Variants in TRAP1 observed in about 807,000 individuals in gnomAD.
The protein encoded by TRAP1 is heat shock protein 75 kDa, mitochondrial.
In TRAP1, 102 loss-of-function variants were observed where a neutral mutation model predicts 89.1. The ratio of observed to expected loss-of-function variants is 1.15; its 90% CI spans 0.98 to 1.35. TRAP1 has a LOEUF of 1.35. TRAP1 is among the 40% of genes most tolerant of loss of function. The probability of loss-of-function intolerance (pLI) is 0.00; values close to 1 mark genes in which losing one functional copy is unlikely to be tolerated. For synonymous variants in TRAP1, 508 were observed against 388.0 expected (o/e 1.31, Z -3.64); for missense variants, 1,256 against 945.3 (o/e 1.33, Z -4.31).
intron 7 of TRAP1, 146 bp downstream of exon 7, chr16:3,675,890 C>T (rs1124486): frequency 0.054 from 37,792 of 698,114 alleles, 1,160 homozygotes; most frequent in Admixed American, 0.058. Context: ...GGCAGCCCCC[C>T]TCCCAGTCCC....
chr16:3,708,575 T>G (rs2051482806), intron 1 of TRAP1, among the ~76,000 whole-genome samples: 1 of 152,046 alleles, frequency 6.6e-6, no homozygotes, highest in Non-Finnish European at 1.5e-5. Flanking sequence ...AGACGGAGGT[T>G]GCAGTGAGCC....
chr16:3,693,959 C>T (rs2051251693), intron 1 of TRAP1, among the ~76,000 whole-genome samples: 1 of 150,846 alleles, frequency 6.6e-6, no homozygotes, highest in Admixed American at 6.6e-5. Context: ...CACTACCGCA[C>T]TTCTGCACTT....
chr16:3,706,958 C>T (rs982487461), intron 1 of TRAP1, among the ~76,000 whole-genome samples: 4 of 152,090 alleles, frequency 2.6e-5, no homozygotes, highest in African/African-American at 9.7e-5. Context: ...TGTTTTCCTG[C>T]AGAGGTCGCA....
chr16:3,713,308 A>T (rs1348811920), intron 1 of TRAP1, among the ~76,000 whole-genome samples: 3 of 152,162 alleles, frequency 2.0e-5, no homozygotes, highest in Non-Finnish European at 4.4e-5. Context: ...CGAAGTACTG[A>T]AGGGGAGGGC....
chr16:3,666,583 T>A (rs1164106862), intron 11 of TRAP1, among the ~76,000 whole-genome samples: 2 of 151,996 alleles, frequency 1.3e-5, no homozygotes, highest in African/African-American at 4.8e-5. Context: ...CTGCATCTTT[T>A]AATAATCCTC....
At chr16:3,686,173 G>C (rs1315129395) in intron 3 of TRAP1, 37 bp from the exon 4 acceptor site, 2 of 1,608,714 alleles carry the variant, frequency 1.2e-6, no homozygotes, top group Non-Finnish European at 8.5e-7. Flanking sequence ...GACAATGAAG[G>C]ACACTCATCC....
chr16:3,709,839 A>G (rs1419645977), intron 1 of TRAP1, among the ~76,000 whole-genome samples: 1 of 152,162 alleles, frequency 6.6e-6, no homozygotes, highest in Non-Finnish European at 1.5e-5. Context: ...TCGTAGAGAC[A>G]GGGTTTCTCC....
Position 3,717,440 on chromosome 16 carries a change from C to T in TRAP1, c.69G>A (p.Ala23=), listed in dbSNP as rs1166096841. Residue 23 remains alanine, a synonymous_variant, in exon 1 of 18, where the codon GCG becomes GCA. Coordinates refer to ENST00000246957, the MANE Select transcript of TRAP1 (RefSeq NM_016292.3). ...RRLRPLLRAP[A]LAAVPGGKPI... ...CCTCACCTCCCGGCACGGCCGCCAGCGCCGGCGCCCGCAGCAAAGGCCGCA... is the reference window on the plus strand; with the variant it reads ...CCTCACCTCCCGGCACGGCCGCCAGTGCCGGCGCCCGCAGCAAAGGCCGCA... 1.6e-6 allele frequency: 2 copies of T among 1,268,746 alleles called. No homozygotes were observed. Among genetic ancestry groups the T allele is most frequent in the Non-Finnish European group, 2.0e-6 (2 of 1,012,986 alleles). 78.6% of individuals were successfully genotyped at this position (1,268,746 alleles called of 1,614,324 possible).
At chr16:3,658,377 C>G (rs2042848122) in intron 17 of TRAP1, 147 bp from the exon 18 acceptor site, 1 of 680,140 alleles carries the variant, frequency 1.5e-6, no homozygotes, top group East Asian at 2.7e-5. Context: ...CCCCCCGCCT[C>G]CCAAAGTGCT....
intron 16 of TRAP1, chr16:3,661,716 G>A (rs1295736260): frequency 1.3e-5 from 5 of 382,830 alleles, no homozygotes; most frequent in Non-Finnish European, 2.3e-5. Flanking sequence ...TCCAGGACAC[G>A]CACAGGTGGC....
In TRAP1 at chr16:3,686,076, G is replaced by A. The variant is rs1026198025; in HGVS notation, c.391C>T (p.Leu131=). 6.2e-7 allele frequency: 1 copy of A among 1,614,126 alleles called. No individual in the cohort carries two copies. The highest frequency in any genetic ancestry group is 8.5e-7 in the Non-Finnish European group (1 of 1,180,026). ...GGCAGTGCTTGGCCGTCAGACACCA[G>A]TTTGTGACGCAGTTTTTCCAAGGCA... ...SDALEKLRHK[L]VSDGQALPEM... is the part of the protein sequence containing the mutation. The change falls in exon 4 of 18, where the codon CTG becomes TTG. Residue 131 remains leucine (L), a synonymous_variant. Transcript: ENST00000246957.
chr16:3,715,536 A>T (rs1028607867), intron 1 of TRAP1, among the ~76,000 whole-genome samples: 2 of 152,236 alleles, frequency 1.3e-5, no homozygotes, highest in Non-Finnish European at 2.9e-5. Context: ...AGTGCATGAT[A>T]CAAAGCATGA....
intron 11 of TRAP1, among the ~76,000 whole-genome samples, chr16:3,667,663 A>AT (rs1383751207): frequency 2.0e-5 from 3 of 151,372 alleles, no homozygotes; most frequent in East Asian, 3.9e-4. Context: ...AAATAAAAAA[A>AT]TTTTATTAAT....
At chr16:3,693,045 T>C (rs8050794) in intron 1 of TRAP1, among the ~76,000 whole-genome samples, 109,338 of 151,718 alleles carry the variant, frequency 0.72, 39,840 homozygotes, top group East Asian at 1. Flanking sequence ...CTCCATCTTC[T>C]GGGTTCAAGC....
intron 1 of TRAP1, among the ~76,000 whole-genome samples, chr16:3,696,862 G>C (rs1029455452): frequency 1.3e-5 from 2 of 151,850 alleles, no homozygotes; most frequent in African/African-American, 4.8e-5. Flanking sequence ...GAGTAGCTGA[G>C]ACTACAGGCT....
At chr16:3,699,705 T>G (rs946976227) in intron 1 of TRAP1, among the ~76,000 whole-genome samples, 4 of 151,996 alleles carry the variant, frequency 2.6e-5, no homozygotes, top group Admixed American at 2.6e-4. Flanking sequence ...GATTGCTCTG[T>G]CACCCAGGCT....
At chr16:3,677,448 G>C (rs770591102) in intron 6 of TRAP1, 50 bp downstream of exon 6, 7 of 1,612,466 alleles carry the variant, frequency 4.3e-6, no homozygotes, top group Non-Finnish European at 5.9e-6. Context: ...TCCATGCTAA[G>C]GGCTCCAGCT....
chr16:3,703,043 GAAAAAA>G (rs36093237), intron 1 of TRAP1, among the ~76,000 whole-genome samples: 7 of 43,502 alleles, frequency 1.6e-4, no homozygotes, highest in South Asian at 8.7e-4. Flanking sequence ...ACTCCGTCTT[GAAAAAA>G]AAAAAAAAAA....
At position 3,664,410 on chromosome 16, in the gene TRAP1, C is replaced by CGG; in HGVS notation, c.1432_1433insCC (p.Gly478AlafsTer4). The CGG allele has an allele frequency of 2.5e-6, 4 of 1,612,230 alleles. No individual in the cohort carries two copies. In the South Asian group the frequency reaches 4.4e-5, roughly 18 times the overall value. ...GTATTCTGAGAGGCTGGTTAGCTGC[C>CGG]CGGAGGGCAGCGCCGAGGACTCGTA... On this transcript the variant is annotated frameshift_variant, in exon 13 of 18. Coordinates refer to ENST00000246957, the MANE Select transcript of TRAP1 (RefSeq NM_016292.3). LOFTEE classifies it high-confidence loss of function.
Sources: gnomAD v4.1 joint callset for allele counts (sites outside exome capture counted in the v4.1 genomes callset) on GRCh38, gnomAD v4.1.1 for gene constraint, MANE v1.5 for transcripts, NCBI Gene and HGNC (gene_info 2026-07-23, HGNC 2026-07-21) for gene names.